Variants in DYNC1LI2 observed in about 807,000 individuals in gnomAD.
The protein encoded by DYNC1LI2 is cytoplasmic dynein 1 light intermediate chain 2.
A neutral mutation model predicts 57.8 loss-of-function variants in DYNC1LI2; 19 were observed. That is an observed-to-expected ratio of 0.33 (90% CI 0.23 to 0.48). DYNC1LI2 has a LOEUF of 0.48. Among genes scored for constraint, DYNC1LI2 ranks in the 20% least tolerant of loss-of-function variants. The pLI is 0.99. For missense variants in DYNC1LI2, 470 were observed against 604.2 expected, an observed-to-expected ratio of 0.78 and a Z score of 2.33; for synonymous variants, 256 against 233.4, an observed-to-expected ratio of 1.10 and a Z score of -0.88.
At chr16:66,734,179 A>G (rs745545345) in intron 6 of DYNC1LI2, 39 bp downstream of exon 6, 10 of 1,600,012 alleles carry the variant, frequency 6.2e-6, no homozygotes, top group African/African-American at 5.4e-5. Flanking sequence ...TTTGGAAGAA[A>G]GCCTGTGACC....
rs2018048674 is a variant in DYNC1LI2, at chr16:66,751,365, G to C, written c.108-19C>G. 2 of 1,610,274 alleles carry C rather than the reference G, an allele frequency of 1.2e-6. No individual in the cohort carries two copies. Among genetic ancestry groups the C allele is most frequent in the Non-Finnish European group, 1.7e-6 (2 of 1,178,462 alleles). Reference sequence around the variant, plus strand: ...GGAGGACCTGTGGCGACAATGGCAAGAGTGGTCAGCCCCGGGCCGGGCTGG... The same window carrying C: ...GGAGGACCTGTGGCGACAATGGCAACAGTGGTCAGCCCCGGGCCGGGCTGG... On this transcript the variant is annotated intron_variant, in intron 1 of 12. Transcript: ENST00000258198. This position sits in a 1 kb window ranked among gnomAD's most constrained non-coding sequence, Gnocchi z 5.2.
At chr16:66,730,754 A>G (rs1308311342) in intron 7 of DYNC1LI2, 2 of 152,574 alleles carry the variant, frequency 1.3e-5, no homozygotes, top group African/African-American at 4.8e-5. Context: ...GCCTGTGTTT[A>G]TCCTAGGCCC....
intron 5 of DYNC1LI2, among the ~76,000 whole-genome samples, chr16:66,735,501 CT>C (rs137881314): frequency 0.19 from 28,201 of 149,804 alleles, 5,312 homozygotes; most frequent in African/African-American, 0.49. Flanking sequence ...GCTGTGAGTT[CT>C]TTTTTTTTTA....
intron 4 of DYNC1LI2, among the ~76,000 whole-genome samples, chr16:66,740,971 A>G (rs891978370): frequency 2.6e-5 from 4 of 152,238 alleles, no homozygotes; most frequent in African/African-American, 7.2e-5. Flanking sequence ...ACAGCCATCA[A>G]TGACTAAATC....
At chr16:66,733,114 C>A (rs1326948374) in intron 6 of DYNC1LI2, 2 of 152,136 alleles carry the variant, frequency 1.3e-5, no homozygotes, top group African/African-American at 2.4e-5. Context: ...TGGGAAACAC[C>A]AGTAGCCTAT....
In DYNC1LI2 at chr16:66,727,747, G is replaced by A. The variant is rs1333626252; in HGVS notation, c.1202C>T (p.Ala401Val). 2 of 1,613,930 alleles carry A rather than the reference G, an allele frequency of 1.2e-6. No homozygotes were observed. Among genetic ancestry groups the A allele is most frequent in the Non-Finnish European group, 1.7e-6 (2 of 1,180,004 alleles). Residue 401 changes from alanine (A) to valine (V), a missense_variant, in exon 11 of 13, where the codon GCC (alanine) becomes GTC (valine). Ala to Val is a moderately conservative substitution (Grantham distance 64, BLOSUM62 0). Transcript: ENST00000258198. Reference protein sequence around the residue: ...SPRTQGRGGPASVPSSSPGTS... With the variant: ...SPRTQGRGGPVSVPSSSPGTS... ...GCCTGGGGAGGAGCTAGGCACACTG[G>A]CTGGCCCTCCCCGACCCTGGGTCCT... is the stretch of plus-strand genomic sequence containing the variant.
At chr16:66,726,746 G>A (rs938683482) in intron 11 of DYNC1LI2, among the ~76,000 whole-genome samples, 16 of 151,998 alleles carry the variant, frequency 1.1e-4, no homozygotes, top group Non-Finnish European at 1.8e-4. Context: ...GGATTAAGCC[G>A]TTCTCCTGCC....
At chr16:66,742,403 G>C (rs781397114) in intron 4 of DYNC1LI2, 35 bp downstream of exon 4, 1 of 1,598,350 alleles carries the variant, frequency 6.3e-7, no homozygotes, top group Non-Finnish European at 8.6e-7. Context: ...AGAGACTCGT[G>C]AACTTCCCAA....
intron 9 of DYNC1LI2, among the ~76,000 whole-genome samples, chr16:66,728,540 T>C (rs561707076): frequency 2.6e-5 from 4 of 152,322 alleles, no homozygotes; most frequent in African/African-American, 9.6e-5. Flanking sequence ...CTGACCTGCC[T>C]GTACCACTGG....
Position 66,730,339 on chromosome 16 carries a change from G to T in DYNC1LI2, c.930-116C>A, listed in dbSNP as rs1198628451. ...TTCTCACAAGATATAGTGTGTAGTT[G>T]TTGGGGGTTGTTTGTAGCTTTTGGC... On this transcript the variant is annotated intron_variant, in intron 7 of 12. Coordinates refer to ENST00000258198, the MANE Select transcript of DYNC1LI2 (RefSeq NM_006141.3). The T allele has an allele frequency of 7.1e-6, 6 of 841,254 alleles. No homozygotes were observed. In the East Asian group the frequency reaches 1.7e-4, roughly 23 times the overall value. 52.1% of individuals were successfully genotyped at this position (841,254 alleles called of 1,614,324 possible). A position where few individuals can be genotyped will look rare whatever the true frequency, so the allele number is the denominator to read the frequency against.
intron 3 of DYNC1LI2, among the ~76,000 whole-genome samples, chr16:66,746,022 C>T (rs974637503): frequency 7.2e-5 from 11 of 152,034 alleles, no homozygotes; most frequent in African/African-American, 2.2e-4. Flanking sequence ...AATTAACATG[C>T]TATAAAAAAA....
At position 66,751,200 on chromosome 16, in the gene DYNC1LI2, G is replaced by T; in HGVS notation, c.181+73C>A. On this transcript the variant is annotated intron_variant, in intron 2 of 12. Coordinates refer to ENST00000258198, the MANE Select transcript of DYNC1LI2 (RefSeq NM_006141.3). The surrounding 1 kb of genome is among the most constrained non-coding windows in gnomAD (Gnocchi z 5.2). Reference sequence around the variant, plus strand: ...GGCAGGCGGCTGGAACGGGGAAGGCGGGGACCTGAGGGAGGGGCGCCCGCC... The same window carrying T: ...GGCAGGCGGCTGGAACGGGGAAGGCTGGGACCTGAGGGAGGGGCGCCCGCC... 1.3e-6 allele frequency: 2 copies of T among 1,513,682 alleles called. No homozygotes were observed. The highest frequency in any genetic ancestry group is 1.9e-5 in the Admixed American group (1 of 52,932). The allele number at this position is 1,513,682 out of a possible 1,614,324, so 93.8% of individuals were successfully genotyped here. A position where few individuals can be genotyped will look rare whatever the true frequency, so the allele number is the denominator to read the frequency against.
chr16:66,746,348 C>T (rs1318240020), intron 3 of DYNC1LI2, among the ~76,000 whole-genome samples: 1 of 152,120 alleles, frequency 6.6e-6, no homozygotes, highest in African/African-American at 2.4e-5. Context: ...TAGGTACAAG[C>T]CAGAGACTGT....
chr16:66,734,336 C>G, intron 5 of DYNC1LI2, 25 bp from the exon 6 acceptor site: 1 of 1,611,446 alleles, frequency 6.2e-7, no homozygotes, highest in South Asian at 1.1e-5. Context: ...GACAGAGTCA[C>G]CTTTTTGCTT....
chr16:66,751,523 G>A lies in DYNC1LI2; in HGVS notation c.69C>T (p.Gly23=), dbSNP rs774327766. The part of the protein sequence containing the change: ...GPNGPAVAAA[G]DLTSEEEEGQ... The stretch of plus-strand genomic sequence containing the variant: ...CTTCCTCCTCCTCACTGGTCAGGTC[G>A]CCGGCGGCCGCCACCGCGGGCCCGT... The change falls in exon 1 of 13, where the codon GGC becomes GGT. Residue 23 remains glycine (G), a synonymous_variant. Transcript: ENST00000258198. This position sits in a 1 kb window ranked among gnomAD's most constrained non-coding sequence, Gnocchi z 5.2. The A allele has an allele frequency of 5.7e-6, 9 of 1,588,052 alleles. No homozygotes were observed. The South Asian group carries it at 7.9e-5, about 14-fold the overall frequency.
Position 66,722,961 on chromosome 16 carries a change from T to A in DYNC1LI2, c.*761A>T, listed in dbSNP as rs1013542892. 5.7e-6 allele frequency: 1 copy of A among 174,694 alleles called. No individual in the cohort carries two copies. Among genetic ancestry groups the A allele is most frequent in the Admixed American group, 5.6e-5 (1 of 17,944 alleles). 10.8% of individuals were successfully genotyped at this position (174,694 alleles called of 1,614,324 possible). A position where few individuals can be genotyped will look rare whatever the true frequency, so the allele number is the denominator to read the frequency against. ...CAGTGACTGTCTGCCCCACAACACA[T>A]ATCCGTGGACCCCAGTACCTCTCAC... On this transcript the variant is annotated 3_prime_UTR_variant, in exon 13 of 13. Coordinates refer to ENST00000258198, the MANE Select transcript of DYNC1LI2 (RefSeq NM_006141.3).
chr16:66,730,922 GAC>G (rs1412940271), intron 7 of DYNC1LI2: 3 of 152,364 alleles, frequency 2.0e-5, no homozygotes, highest in African/African-American at 7.2e-5. Context: ...TACCCTGTAT[GAC>G]ACACTTTTGA....
intron 3 of DYNC1LI2, among the ~76,000 whole-genome samples, chr16:66,747,210 C>G (rs1207433376): frequency 2.6e-5 from 4 of 152,074 alleles, no homozygotes; most frequent in Non-Finnish European, 4.4e-5. Context: ...TCCTGGGTAG[C>G]TGGGATTACA....
intron 12 of DYNC1LI2, chr16:66,724,548 T>C (rs1373652051): frequency 6.6e-6 from 1 of 152,112 alleles, no homozygotes; most frequent in Non-Finnish European, 1.5e-5. Context: ...CAATGGAAAA[T>C]GGAAAGCAAA....
Sources: gnomAD v4.1 joint callset for allele counts (sites outside exome capture counted in the v4.1 genomes callset) on GRCh38, gnomAD v4.1.1 for gene constraint, Gnocchi (gnomAD v3.1) non-coding constraint, MANE v1.5 for transcripts, NCBI Gene and HGNC (gene_info 2026-07-23, HGNC 2026-07-21) for gene names.